Variants in GRIN2A observed in about 807,000 individuals in gnomAD.
GRIN2A encodes glutamate receptor ionotropic, NMDA 2A.
In GRIN2A, 22 loss-of-function variants were observed where a neutral mutation model predicts 113.4. The ratio of observed to expected loss-of-function variants is 0.19; its 90% CI spans 0.14 to 0.28. The LOEUF is 0.28. Ranked by LOEUF, GRIN2A falls within the 10% of genes least tolerant of loss-of-function variation. The pLI is 1.00. For synonymous variants in GRIN2A, 827 were observed against 738.4 expected, an observed-to-expected ratio of 1.12 and a Z score of -1.94; for missense variants, 1,502 against 1,887.0, an observed-to-expected ratio of 0.80 and a Z score of 3.78.
chr16:10,118,192 G>A (rs573280839), intron 2 of GRIN2A, among the ~76,000 whole-genome samples: 8 of 152,278 alleles, frequency 5.3e-5, no homozygotes, highest in Admixed American at 3.9e-4. Flanking sequence ...AGACGTTCTC[G>A]AAGACATTGT....
chr16:9,966,891 C>G (rs2045565630), intron 2 of GRIN2A, among the ~76,000 whole-genome samples: 2 of 152,166 alleles, frequency 1.3e-5, no homozygotes, highest in Admixed American at 1.3e-4. Flanking sequence ...GATGCTGGTC[C>G]AGAAACCACA....
intron 5 of GRIN2A, among the ~76,000 whole-genome samples, chr16:9,844,322 T>C (rs1270602847): frequency 6.6e-6 from 1 of 152,196 alleles, no homozygotes; most frequent in Non-Finnish European, 1.5e-5. Context: ...AAGTGCCTAC[T>C]GTGCACAAGA....
At chr16:10,112,784 G>C (rs943281135) in intron 2 of GRIN2A, 1 of 698,794 alleles carries the variant, frequency 1.4e-6, no homozygotes, top group Non-Finnish European at 2.7e-6. Flanking sequence ...ATGGCTCCAT[G>C]ATGTACTCAG....
intron 11 of GRIN2A, among the ~76,000 whole-genome samples, chr16:9,777,399 A>T (rs1285497759): frequency 6.6e-6 from 1 of 152,224 alleles, no homozygotes; most frequent in Non-Finnish European, 1.5e-5. Context: ...AAGTGAAAAA[A>T]TACTTTTGAT....
intron 2 of GRIN2A, among the ~76,000 whole-genome samples, chr16:9,968,676 C>T (rs889806577): frequency 9.3e-5 from 14 of 150,884 alleles, no homozygotes; most frequent in African/African-American, 1.7e-4. Context: ...GGCGTGATCT[C>T]GGCTCACTGC....
chr16:10,031,374 A>G (rs1227718292), intron 2 of GRIN2A: 1 of 152,182 alleles, frequency 6.6e-6, no homozygotes, highest in Non-Finnish European at 1.5e-5. Context: ...TTTCCTGCCT[A>G]AATGGCAGCC....
chr16:9,811,251 G>A (rs1302116752), intron 10 of GRIN2A, among the ~76,000 whole-genome samples: 5 of 152,052 alleles, frequency 3.3e-5, no homozygotes, highest in South Asian at 4.1e-4. Context: ...CAAGCAGAGG[G>A]TTAGCACAAC....
intron 10 of GRIN2A, among the ~76,000 whole-genome samples, chr16:9,815,287 T>TATCA (rs1351190576): frequency 2.0e-5 from 3 of 151,804 alleles, no homozygotes; most frequent in Middle Eastern, 3.4e-3. Context: ...CAAAAGACAC[T>TATCA]ATCAATGTAA....
At chr16:9,833,670 A>G (rs2042536499) in intron 8 of GRIN2A, among the ~76,000 whole-genome samples, 1 of 152,202 alleles carries the variant, frequency 6.6e-6, no homozygotes, top group Non-Finnish European at 1.5e-5. Context: ...ATTACAAGCA[A>G]TATCAGTGAC....
At chr16:9,856,982 T>C (rs2042979979) in intron 4 of GRIN2A, among the ~76,000 whole-genome samples, 3 of 152,234 alleles carry the variant, frequency 2.0e-5, no homozygotes, top group African/African-American at 7.2e-5. Flanking sequence ...ATCATTCTAA[T>C]AGTACATATC....
chr16:10,084,196 A>G (rs2048041008), intron 2 of GRIN2A, among the ~76,000 whole-genome samples: 1 of 152,170 alleles, frequency 6.6e-6, no homozygotes, highest in Non-Finnish European at 1.5e-5. Flanking sequence ...CACACAGTAA[A>G]CACTCAATGA....
chr16:9,944,684 G>A (rs576334322), intron 2 of GRIN2A, among the ~76,000 whole-genome samples: 7 of 152,118 alleles, frequency 4.6e-5, no homozygotes, highest in Middle Eastern at 3.4e-3. Flanking sequence ...GTAGGGCACC[G>A]TGCCCTCCTG....
At chr16:9,865,743 T>A (rs996548447) in intron 4 of GRIN2A, among the ~76,000 whole-genome samples, 1 of 152,176 alleles carries the variant, frequency 6.6e-6, no homozygotes, top group African/African-American at 2.4e-5. Context: ...AACACAGCAG[T>A]GAATAGACCC....
chr16:10,011,501 C>T (rs1285082457), intron 2 of GRIN2A, among the ~76,000 whole-genome samples: 2 of 152,132 alleles, frequency 1.3e-5, no homozygotes, highest in Non-Finnish European at 2.9e-5. Context: ...AAATCAACCA[C>T]TCATTCTCCA....
chr16:10,097,461 C>G (rs983653419), intron 2 of GRIN2A, among the ~76,000 whole-genome samples: 5 of 152,264 alleles, frequency 3.3e-5, no homozygotes, highest in Middle Eastern at 3.4e-3. Context: ...ATCTATGAAG[C>G]AACAGGAAAG....
At chr16:10,012,233 G>A (rs898873272) in intron 2 of GRIN2A, among the ~76,000 whole-genome samples, 1 of 152,180 alleles carries the variant, frequency 6.6e-6, no homozygotes, top group Non-Finnish European at 1.5e-5. Context: ...ACAGAGCACA[G>A]ATTCAATGTT....
chr16:9,988,669 C>T (rs2046035908), intron 2 of GRIN2A, among the ~76,000 whole-genome samples: 1 of 152,132 alleles, frequency 6.6e-6, no homozygotes, highest in Non-Finnish European at 1.5e-5. Context: ...TCACAACAAC[C>T]CTCTCAAGAA....
intron 2 of GRIN2A, among the ~76,000 whole-genome samples, chr16:10,087,927 C>G (rs549919842): frequency 6.9e-6 from 1 of 144,032 alleles, no homozygotes; most frequent in African/African-American, 2.6e-5. Flanking sequence ...TGGGCTCAAG[C>G]AATCTGCCCA....
chr16:10,142,838 G>C (rs1197486956), intron 2 of GRIN2A, among the ~76,000 whole-genome samples: 1 of 151,994 alleles, frequency 6.6e-6, no homozygotes, highest in African/African-American at 2.4e-5. Flanking sequence ...TAAAATTCTC[G>C]GGTCTCATCC....
Sources: allele counts gnomAD v4.1 joint callset (sites outside exome capture counted in the v4.1 genomes callset), GRCh38; gene constraint gnomAD v4.1.1; transcripts MANE v1.5; gene names NCBI Gene and HGNC (gene_info 2026-07-23, HGNC 2026-07-21).